The following KDM2B variants were observed in gnomAD, a reference collection of about 807,000 sequenced individuals.
The protein encoded by KDM2B is lysine-specific demethylase 2B.
Under a neutral mutation model 150.0 loss-of-function variants are expected in KDM2B, and 26 were observed. That is an observed-to-expected ratio of 0.17 (90% CI 0.13 to 0.24). KDM2B has a LOEUF of 0.24. Ranked by LOEUF, KDM2B falls within the 10% of genes least tolerant of loss-of-function variation. KDM2B has a pLI of 1.00. For missense variants in KDM2B, 1,265 were observed against 1,816.9 expected, an observed-to-expected ratio of 0.70 and a Z score of 5.52; for synonymous variants, 734 against 729.5, an observed-to-expected ratio of 1.01 and a Z score of -0.10.
rs1253558761 is a variant in KDM2B at position 121,549,284 on chromosome 12, G to C, written c.576+176C>G. ...GTTCAAGGCCAGCCTGGGCAACATAGCAAGATCCCTGTCTCTACAAACCAC... is the reference window on the plus strand; with the variant it reads ...GTTCAAGGCCAGCCTGGGCAACATACCAAGATCCCTGTCTCTACAAACCAC... On this transcript the variant is annotated intron_variant, in intron 5 of 22. Coordinates refer to ENST00000377071, the MANE Select transcript of KDM2B (RefSeq NM_032590.5). The surrounding 1 kb of genome is among the most constrained non-coding windows in gnomAD (Gnocchi z 4.4). Among the ~76,000 whole-genome samples, 1 of 152,096 alleles carries C rather than the reference G, an allele frequency of 6.6e-6. No individual in the cohort carries two copies. Among genetic ancestry groups the C allele is most frequent in the African/African-American group, 2.4e-5 (1 of 41,410 alleles).
chr12:121,544,317 A>C (rs1056240102), intron 6 of KDM2B, among the ~76,000 whole-genome samples: 1 of 151,798 alleles, frequency 6.6e-6, no homozygotes, highest in Non-Finnish European at 1.5e-5. Flanking sequence ...ACAAATAAAC[A>C]AAAAGATTCC....
At chr12:121,421,371 TAAAA>T in the KDM2B span, among the ~76,000 whole-genome samples, 5 of 46,370 alleles carry the variant, frequency 1.1e-4, no homozygotes, top group East Asian at 6.1e-4. Flanking sequence ...ATCCCATCTC[TAAAA>T]AAAAAAAAAA....
chr12:121,561,958 G>A (rs1474129708), intron 4 of KDM2B, among the ~76,000 whole-genome samples: 2 of 152,168 alleles, frequency 1.3e-5, no homozygotes, highest in African/African-American at 2.4e-5. Flanking sequence ...GATCACCTGA[G>A]GTCAGGAGTT....
chr12:121,548,346 T>C (rs1402226219), intron 6 of KDM2B, among the ~76,000 whole-genome samples: 1 of 152,202 alleles, frequency 6.6e-6, no homozygotes, highest in Non-Finnish European at 1.5e-5. Flanking sequence ...GGGCACTGTC[T>C]AAGGTACATC....
intron 6 of KDM2B, among the ~76,000 whole-genome samples, chr12:121,535,227 A>C (rs1887992108): frequency 6.6e-6 from 1 of 151,436 alleles, no homozygotes; most frequent in Non-Finnish European, 1.5e-5. Flanking sequence ...AAAAAAACCC[A>C]CACACACAAA....
At chr12:121,450,755 G>C (rs920861379) in intron 13 of KDM2B, among the ~76,000 whole-genome samples, 1 of 152,068 alleles carries the variant, frequency 6.6e-6, no homozygotes, top group Non-Finnish European at 1.5e-5. Context: ...AGCTACTCTG[G>C]AGGCTGAGGC....
chr12:121,534,021 C>G (rs1171911050), intron 7 of KDM2B, among the ~76,000 whole-genome samples: 1 of 152,100 alleles, frequency 6.6e-6, no homozygotes, highest in East Asian at 1.9e-4. Flanking sequence ...CCCTGGGTGA[C>G]AGAGCAAGAC....
At chr12:121,417,785 C>G in the KDM2B span, 1 of 1,614,100 alleles carries the variant, frequency 6.2e-7, no homozygotes, top group Non-Finnish European at 8.5e-7. This position sits in a 1 kb window ranked among gnomAD's most constrained non-coding sequence, Gnocchi z 5.0. Flanking sequence ...CTTCAAGGTC[C>G]CAGACTTCTA....
chr12:121,468,126 G>A lies in KDM2B; in HGVS notation c.1735-14782C>T, dbSNP rs1375672071. ...CCCTTGGACAGGTACCGCCTTCTGA[G>A]TTGACCTCCGAAAGGTGGAGGACGT... On this transcript the variant is annotated intron_variant, in intron 12 of 22. Transcript: ENST00000377071. The surrounding 1 kb of genome is among the most constrained non-coding windows in gnomAD (Gnocchi z 4.0). 6.6e-6 allele frequency: 1 copy of A among 152,386 alleles called. No homozygotes were observed. The highest frequency in any genetic ancestry group is 6.5e-5 in the Admixed American group (1 of 15,296). The allele number at this position is 152,386 out of a possible 1,614,324, so 9.4% of individuals were successfully genotyped here. A position where few individuals can be genotyped will look rare whatever the true frequency, so the allele number is the denominator to read the frequency against.
Position 121,521,187 on chromosome 12 carries a change from G to T in KDM2B, c.932-87C>A. On this transcript the variant is annotated intron_variant, in intron 8 of 22. Transcript: ENST00000377071. The surrounding 1 kb of genome is among the most constrained non-coding windows in gnomAD (Gnocchi z 4.9). ...AAGGCTGCAGGGAGGGAGAGCGAGC[G>T]TGCAGGAGGGTGCAGGGAGTGGAGA... 1 of 836,944 alleles carries T rather than the reference G, an allele frequency of 1.2e-6. No homozygotes were observed. Among genetic ancestry groups the T allele is most frequent in the Non-Finnish European group, 2.0e-6 (1 of 504,098 alleles). 51.8% of individuals were successfully genotyped at this position (836,944 alleles called of 1,614,324 possible). A position where few individuals can be genotyped will look rare whatever the true frequency, so the allele number is the denominator to read the frequency against.
chr12:121,450,004 C>T (rs575257365), intron 13 of KDM2B, among the ~76,000 whole-genome samples: 9 of 152,288 alleles, frequency 5.9e-5, no homozygotes, highest in African/African-American at 2.2e-4. Flanking sequence ...ACTCCTCTAA[C>T]TCAGCAACAA....
At chr12:121,472,203 G>A (rs540374094) in intron 12 of KDM2B, among the ~76,000 whole-genome samples, 17 of 152,274 alleles carry the variant, frequency 1.1e-4, no homozygotes, top group African/African-American at 3.6e-4. Context: ...TTGAGAATGC[G>A]CGCTTCAGTT....
At position 121,452,631 on chromosome 12, in the gene KDM2B, G is replaced by A. The variant is rs530247158; in HGVS notation, c.1959+489C>T. Among the ~76,000 whole-genome samples, 26 of 152,388 alleles carry A rather than the reference G, an allele frequency of 1.7e-4. No homozygotes were observed. In the Middle Eastern group the frequency reaches 0.01, roughly 60 times the overall value. ...CATGTCCACTGCCCTGTCTGGGGAC[G>A]AGACCAGCGGCGCGGGGCCACTGCC... On this transcript the variant is annotated intron_variant, in intron 13 of 22. Transcript: ENST00000377071. The surrounding 1 kb of genome is among the most constrained non-coding windows in gnomAD (Gnocchi z 4.4).
At chr12:121,459,084 CAAAA>C (rs60165748) in intron 12 of KDM2B, among the ~76,000 whole-genome samples, 4 of 102,424 alleles carry the variant, frequency 3.9e-5, no homozygotes, top group Non-Finnish European at 6.1e-5. Flanking sequence ...GACTCTGCCT[CAAAA>C]AAAAAAAAAA....
Position 121,442,829 on chromosome 12 carries a change from G to C in KDM2B, c.2612C>G (p.Ser871Cys), listed in dbSNP as rs1414427808. The C allele has an allele frequency of 6.6e-7, 1 of 1,519,952 alleles. No homozygotes were observed. The highest frequency in any genetic ancestry group is 2.3e-5 in the East Asian group (1 of 43,806). 94.2% of individuals were successfully genotyped at this position (1,519,952 alleles called of 1,614,324 possible). A position where few individuals can be genotyped will look rare whatever the true frequency, so the allele number is the denominator to read the frequency against. ...EDKLFRKKRR[S>C]WKNAEDRMAL... is the part of the protein sequence containing the mutation. Reference sequence around the variant, plus strand: ...CATGCGGTCCTCGGCGTTCTTCCAGGACCGCCGCTGAGGGCGAGAGCGGAG... The same window carrying C: ...CATGCGGTCCTCGGCGTTCTTCCAGCACCGCCGCTGAGGGCGAGAGCGGAG... The change falls in exon 19 of 23, where the codon TCC becomes TGC. Residue 871 changes from serine (S) to cysteine (C), a missense_variant. Coordinates refer to ENST00000377071, the MANE Select transcript of KDM2B (RefSeq NM_032590.5). This position sits in a 1 kb window ranked among gnomAD's most constrained non-coding sequence, Gnocchi z 7.7.
At chr12:121,515,620 T>C (rs943545956) in intron 9 of KDM2B, among the ~76,000 whole-genome samples, 1 of 149,124 alleles carries the variant, frequency 6.7e-6, no homozygotes, top group East Asian at 2.0e-4. Context: ...GAAGCAGACC[T>C]CCGTTCTCCT....
At position 121,537,855 on chromosome 12, in the gene KDM2B, C is replaced by T. The variant is rs1425960935; in HGVS notation, c.684-3265G>A. 6.6e-6 allele frequency among the ~76,000 whole-genome samples: 1 copy of T among 151,710 alleles called. No homozygotes were observed. Among genetic ancestry groups the T allele is most frequent in the Non-Finnish European group, 1.5e-5 (1 of 67,878 alleles). ...CCCGCGGGCGGGAGGCCACCCACAC[C>T]CGCCCCGCGCAGCGCCACAAAGGAG... On this transcript the variant is annotated intron_variant, in intron 6 of 22. Coordinates refer to ENST00000377071, the MANE Select transcript of KDM2B (RefSeq NM_032590.5). This position sits in a 1 kb window ranked among gnomAD's most constrained non-coding sequence, Gnocchi z 8.7.
chr12:121,580,971 A>T lies in KDM2B; in HGVS notation c.-60T>A. 6.3e-7 allele frequency: 1 copy of T among 1,578,564 alleles called. No homozygotes were observed. The highest frequency in any genetic ancestry group is 8.6e-7 in the Non-Finnish European group (1 of 1,165,414). On this transcript the variant is annotated 5_prime_UTR_variant, in exon 1 of 23. Transcript: ENST00000377071. ...TAGCTCGGCTTCCATACCTATAAGG[A>T]CTGCCTAACTTTTAAACTCCCGGCA...
chr12:121,544,669 T>G (rs1228756954), intron 6 of KDM2B, among the ~76,000 whole-genome samples: 1 of 151,304 alleles, frequency 6.6e-6, no homozygotes, highest in African/African-American at 2.4e-5. Flanking sequence ...TCCCAGTACT[T>G]TGGGAGGCCA....
Sources: gnomAD v4.1 joint callset for allele counts (sites outside exome capture counted in the v4.1 genomes callset) on GRCh38, gnomAD v4.1.1 for gene constraint, Gnocchi (gnomAD v3.1) non-coding constraint, MANE v1.5 for transcripts, NCBI Gene and HGNC (gene_info 2026-07-23, HGNC 2026-07-21) for gene names.